The following KLHL29 variants were observed in gnomAD, a reference collection of about 807,000 sequenced individuals.
KLHL29 encodes the protein kelch-like protein 29.
In KLHL29, 21 loss-of-function variants were observed where a neutral mutation model predicts 80.4. The observed-to-expected ratio is 0.26, with a 90% CI of 0.19 to 0.38. KLHL29 has a LOEUF of 0.38. KLHL29 is among the 10% of genes least tolerant of loss of function. The pLI, the probability that KLHL29 is intolerant of heterozygous loss-of-function variation, is 1.00. For missense variants in KLHL29, 867 were observed against 1,223.9 expected (o/e 0.71, Z 4.35); for synonymous variants, 511 against 526.8 (o/e 0.97, Z 0.41).
chr2:23,506,527 GA>G (rs1665603447), intron 2 of KLHL29, among the ~76,000 whole-genome samples: 1 of 152,190 alleles, frequency 6.6e-6, no homozygotes, highest in African/African-American at 2.4e-5. Flanking sequence ...CCTTGCCAGG[GA>G]CAAGGACCCT....
At chr2:23,499,629 C>T (rs999415492) in intron 2 of KLHL29, among the ~76,000 whole-genome samples, 3 of 152,274 alleles carry the variant, frequency 2.0e-5, no homozygotes, top group Middle Eastern at 3.4e-3. Context: ...AAGTTTGAGG[C>T]GGGAAGAGGA....
chr2:23,595,024 G>T (rs543682610), intron 3 of KLHL29, among the ~76,000 whole-genome samples: 1 of 152,088 alleles, frequency 6.6e-6, no homozygotes, highest in African/African-American at 2.4e-5. Flanking sequence ...TTTAGTATTC[G>T]TGTGCTTTGT....
chr2:23,409,454 C>T (rs1364072663), intron 1 of KLHL29, among the ~76,000 whole-genome samples: 1 of 152,180 alleles, frequency 6.6e-6, no homozygotes, highest in Non-Finnish European at 1.5e-5. Flanking sequence ...TGTGCGTTTC[C>T]TCCGTTGGAC....
chr2:23,455,104 T>G (rs970422567), intron 1 of KLHL29, among the ~76,000 whole-genome samples: 3 of 152,118 alleles, frequency 2.0e-5, no homozygotes, highest in Non-Finnish European at 4.4e-5. Flanking sequence ...CACCCTTTGA[T>G]GTCTCTTGAA....
chr2:23,542,097 C>A (rs1666854925), intron 2 of KLHL29, among the ~76,000 whole-genome samples: 1 of 152,238 alleles, frequency 6.6e-6, no homozygotes, highest in South Asian at 2.1e-4. Flanking sequence ...CTGAGTCAGG[C>A]AACCAGGGTG....
chr2:23,533,067 C>T (rs560841433), intron 2 of KLHL29, among the ~76,000 whole-genome samples: 2 of 152,284 alleles, frequency 1.3e-5, no homozygotes, highest in African/African-American at 4.8e-5. Context: ...GATTTTCTGC[C>T]AACCAGTGGC....
At chr2:23,423,832 G>T (rs941171172) in intron 1 of KLHL29, among the ~76,000 whole-genome samples, 1 of 152,192 alleles carries the variant, frequency 6.6e-6, no homozygotes, top group African/African-American at 2.4e-5. Flanking sequence ...CATAGGCCAG[G>T]CTCCTCCACC....
At chr2:23,436,073 G>A (rs560416715) in intron 1 of KLHL29, among the ~76,000 whole-genome samples, 1 of 152,054 alleles carries the variant, frequency 6.6e-6, no homozygotes, top group African/African-American at 2.4e-5. Context: ...AAAGTATACA[G>A]CCTCTGTGAT....
At chr2:23,550,282 C>A (rs1558384296) in intron 2 of KLHL29, among the ~76,000 whole-genome samples, 2 of 152,062 alleles carry the variant, frequency 1.3e-5, no homozygotes, top group Non-Finnish European at 2.9e-5. Flanking sequence ...AAGGGGGGCA[C>A]GAAGGCCTGA....
At chr2:23,515,838 A>G (rs549700680) in intron 2 of KLHL29, among the ~76,000 whole-genome samples, 1 of 152,334 alleles carries the variant, frequency 6.6e-6, no homozygotes, top group African/African-American at 2.4e-5. Context: ...CCTCCACGGC[A>G]TCTGAGCAGA....
At chr2:23,543,790 G>A (rs1045164472) in intron 2 of KLHL29, among the ~76,000 whole-genome samples, 3 of 152,192 alleles carry the variant, frequency 2.0e-5, no homozygotes, top group African/African-American at 4.8e-5. Flanking sequence ...GAATTGCGTC[G>A]TGGATGTGTA....
chr2:23,599,010 T>G (rs1312710904), intron 3 of KLHL29, among the ~76,000 whole-genome samples: 1 of 152,236 alleles, frequency 6.6e-6, no homozygotes, highest in Non-Finnish European at 1.5e-5. Context: ...CATGGGAAAC[T>G]CCAAGATTCC....
In KLHL29 at chr2:23,696,325, G is replaced by C. The variant is rs768935759; in HGVS notation, c.1925-8G>C. 5.2e-6 allele frequency: 8 copies of C among 1,551,144 alleles called. No individual in the cohort carries two copies. Among genetic ancestry groups the C allele is most frequent in the Non-Finnish European group, 7.0e-6 (8 of 1,146,854 alleles). On this transcript the variant is annotated splice_region_variant and splice_polypyrimidine_tract_variant and intron_variant, in intron 10 of 13. Coordinates refer to ENST00000486442, the MANE Select transcript of KLHL29 (RefSeq NM_052920.2). This position sits in a 1 kb window ranked among gnomAD's most constrained non-coding sequence, Gnocchi z 5.5. ...GCCCGCTCTCTCTGCCTCCCACACT[G>C]CCTCCAGGTGGGATGGAATCAGGGG...
chr2:23,692,568 G>C (rs1671686635), intron 7 of KLHL29, among the ~76,000 whole-genome samples: 1 of 152,226 alleles, frequency 6.6e-6, no homozygotes, highest in African/African-American at 2.4e-5. Flanking sequence ...GCACCAAGCA[G>C]TCTCGAGGTG....
chr2:23,401,526 G>T (rs1381039596), intron 1 of KLHL29, among the ~76,000 whole-genome samples: 2 of 152,210 alleles, frequency 1.3e-5, no homozygotes, highest in African/African-American at 4.8e-5. Context: ...GGAGCCGAGG[G>T]CTATGTAGTC....
intron 3 of KLHL29, among the ~76,000 whole-genome samples, chr2:23,610,022 T>C (rs1396324448): frequency 6.6e-6 from 1 of 152,176 alleles, no homozygotes; most frequent in Admixed American, 6.5e-5. Flanking sequence ...GAGTTGCTTT[T>C]GTGACACATA....
At chr2:23,628,031 G>C (rs936327025) in intron 3 of KLHL29, among the ~76,000 whole-genome samples, 4 of 151,388 alleles carry the variant, frequency 2.6e-5, no homozygotes, top group African/African-American at 9.7e-5. Flanking sequence ...TGCTGCCTCA[G>C]CCTCCCGAGT....
chr2:23,529,172 C>T (rs1360621834), intron 2 of KLHL29, among the ~76,000 whole-genome samples: 3 of 152,222 alleles, frequency 2.0e-5, no homozygotes, highest in Non-Finnish European at 2.9e-5. Context: ...TGCAGTGGCA[C>T]GATCATAGCT....
At chr2:23,649,751 C>G (rs986702169) in intron 5 of KLHL29, among the ~76,000 whole-genome samples, 3 of 152,250 alleles carry the variant, frequency 2.0e-5, no homozygotes, top group Non-Finnish European at 4.4e-5. Context: ...CAGACGAGAG[C>G]CAAGGGTGGG....
Sources: gnomAD v4.1 joint callset for allele counts (sites outside exome capture counted in the v4.1 genomes callset) on GRCh38, gnomAD v4.1.1 for gene constraint, Gnocchi (gnomAD v3.1) non-coding constraint, MANE v1.5 for transcripts, NCBI Gene and HGNC (gene_info 2026-07-23, HGNC 2026-07-21) for gene names.